SORCS1: variants seen among roughly 807,000 people sequenced by gnomAD.
SORCS1 encodes VPS10 domain-containing receptor SorCS1.
A neutral mutation model predicts 146.1 loss-of-function variants in SORCS1; 60 were observed. The ratio of observed to expected loss-of-function variants is 0.41; its 90% confidence interval spans 0.33 to 0.51. The LOEUF (loss-of-function observed/expected upper bound fraction) is 0.51. SORCS1 is among the 20% of genes least tolerant of loss of function. The pLI is 0.21. For synonymous variants in SORCS1, 637 were observed against 584.0 expected (o/e 1.09, Z -1.31); for missense variants, 1,352 against 1,487.6 (o/e 0.91, Z 1.50).
At chr10:106,682,053 G>T (rs367626134) in intron 10 of SORCS1, among the ~76,000 whole-genome samples, 12 of 152,090 alleles carry the variant, frequency 7.9e-5, no homozygotes, top group Non-Finnish European at 1.8e-4. Context: ...ACTCAAACCC[G>T]GGAGGTGGAG....
chr10:107,085,544 C>T (rs1022102596), intron 1 of SORCS1, among the ~76,000 whole-genome samples: 5 of 152,080 alleles, frequency 3.3e-5, no homozygotes, highest in Admixed American at 1.3e-4. Flanking sequence ...CAAATAACAT[C>T]CTCATTAAAG....
At chr10:106,822,655 G>A (rs1244005124) in intron 3 of SORCS1, among the ~76,000 whole-genome samples, 2 of 152,098 alleles carry the variant, frequency 1.3e-5, no homozygotes, top group Non-Finnish European at 2.9e-5. Context: ...GATCAAAGGA[G>A]AGGACCTTTC....
intron 24 of SORCS1, among the ~76,000 whole-genome samples, chr10:106,590,449 A>G (rs1352585190): frequency 6.6e-6 from 1 of 152,162 alleles, no homozygotes; most frequent in Non-Finnish European, 1.5e-5. Flanking sequence ...TAAGATGATA[A>G]ATCTAAAAAT....
At chr10:106,936,956 A>T (rs1953750965) in intron 2 of SORCS1, among the ~76,000 whole-genome samples, 1 of 152,202 alleles carries the variant, frequency 6.6e-6, no homozygotes, top group Non-Finnish European at 1.5e-5. Context: ...TTAAACTAGC[A>T]TATATGTGTC....
chr10:106,652,376 T>C lies in SORCS1; in HGVS notation c.2475+6A>G. On this transcript the variant is annotated splice_donor_region_variant and intron_variant, in intron 18 of 25. Coordinates refer to ENST00000263054, the MANE Select transcript of SORCS1 (RefSeq NM_052918.5). ...AAAGTAGGGGGGAGATAGGAATCAG[T>C]CCTACCTCTTCTAATTGCACCATGA... The C allele has an allele frequency of 6.2e-7, 1 of 1,613,428 alleles. No individual in the cohort carries two copies. The highest frequency in any genetic ancestry group is 8.5e-7 in the Non-Finnish European group (1 of 1,179,410).
intron 5 of SORCS1, among the ~76,000 whole-genome samples, chr10:106,744,242 C>T (rs1465369848): frequency 4.6e-5 from 7 of 152,130 alleles, no homozygotes; most frequent in Non-Finnish European, 8.8e-5. Context: ...GTAGCTGGGA[C>T]TACAGGCGCC....
intron 9 of SORCS1, among the ~76,000 whole-genome samples, chr10:106,692,359 G>A (rs918688647): frequency 2.6e-5 from 4 of 152,110 alleles, no homozygotes; most frequent in African/African-American, 4.8e-5. Flanking sequence ...GAGCCACAGC[G>A]CCAGCCCCTG....
intron 1 of SORCS1, among the ~76,000 whole-genome samples, chr10:107,039,332 GAA>G (rs58915918): frequency 8.2e-5 from 9 of 109,934 alleles, no homozygotes; most frequent in African/African-American, 3.0e-4. Context: ...CTCAAATAAA[GAA>G]AAAAAAAAAA....
intron 1 of SORCS1, among the ~76,000 whole-genome samples, chr10:107,123,862 G>A (rs1388132782): frequency 2.0e-5 from 3 of 151,742 alleles, no homozygotes; most frequent in East Asian, 1.9e-4. Context: ...CAGATCAGGA[G>A]GTCAGGAGAT....
At chr10:106,853,454 C>T in intron 2 of SORCS1, among the ~76,000 whole-genome samples, 1 of 148,904 alleles carries the variant, frequency 6.7e-6, no homozygotes, top group South Asian at 2.1e-4. Flanking sequence ...TATTTTCAGT[C>T]TTGTTGATTT....
chr10:106,902,289 C>T (rs540238612), intron 2 of SORCS1, among the ~76,000 whole-genome samples: 2 of 152,194 alleles, frequency 1.3e-5, no homozygotes, highest in South Asian at 2.1e-4. Context: ...ATCTTCCCCC[C>T]ATGGATTTGC....
chr10:107,051,129 T>C (rs960517432), intron 1 of SORCS1, among the ~76,000 whole-genome samples: 6 of 152,186 alleles, frequency 3.9e-5, no homozygotes, highest in Non-Finnish European at 1.5e-5. Context: ...GTCTAGAATA[T>C]TGTTCTCAAG....
intron 18 of SORCS1, among the ~76,000 whole-genome samples, chr10:106,635,703 T>C (rs1293118634): frequency 2.6e-5 from 4 of 152,208 alleles, no homozygotes; most frequent in Non-Finnish European, 5.9e-5. Flanking sequence ...ATGGGTTAAG[T>C]ACATTGGAAA....
chr10:106,614,799 T>C (rs1362153145), intron 21 of SORCS1, among the ~76,000 whole-genome samples: 2 of 152,096 alleles, frequency 1.3e-5, no homozygotes, highest in East Asian at 1.9e-4. Context: ...ATTCAAGAAA[T>C]AGGGGATGCG....
chr10:106,920,318 G>A (rs1952651986), intron 2 of SORCS1, among the ~76,000 whole-genome samples: 1 of 152,160 alleles, frequency 6.6e-6, no homozygotes, highest in South Asian at 2.1e-4. Flanking sequence ...TTCTTCGGGA[G>A]CAATCTCCCT....
rs10658432 is a variant in SORCS1 at position 106,674,328 on chromosome 10, C to CAAAAAAAAAAAAAAAAAAAAAA, written c.1940+699_1940+720dup. ...TGGGCGACAGAGTAAGACTCCGTCT[C>CAAAAAAAAAAAAAAAAAAAAAA]AAAAAAAAAAAAAAAAAAAAAAAAA... is the stretch of plus-strand genomic sequence containing the variant. On this transcript the variant is annotated intron_variant, in intron 14 of 25. Transcript: ENST00000263054. Among the ~76,000 whole-genome samples the CAAAAAAAAAAAAAAAAAAAAAA allele has an allele frequency of 2.9e-4, 8 of 27,376 alleles. 2 individuals are homozygous for CAAAAAAAAAAAAAAAAAAAAAA. Among genetic ancestry groups the CAAAAAAAAAAAAAAAAAAAAAA allele is most frequent in the East Asian group, 3.6e-3 (2 of 562 alleles). The allele number at this position is 27,376 out of a possible 152,430, so 18.0% of individuals were successfully genotyped here. A position where few individuals can be genotyped will look rare whatever the true frequency, so the allele number is the denominator to read the frequency against.
At chr10:106,947,299 A>G (rs1302324560) in intron 2 of SORCS1, among the ~76,000 whole-genome samples, 3 of 152,230 alleles carry the variant, frequency 2.0e-5, no homozygotes, top group Non-Finnish European at 4.4e-5. Context: ...CATCTTAAGA[A>G]TTCTATTGTA....
chr10:106,789,601 A>C (rs1344053219), intron 3 of SORCS1, among the ~76,000 whole-genome samples: 1 of 152,112 alleles, frequency 6.6e-6, no homozygotes, highest in African/African-American at 2.4e-5. Flanking sequence ...ATCTGAAACC[A>C]CCTCAGCCTG....
chr10:106,741,999 T>A (rs977139325), intron 5 of SORCS1, among the ~76,000 whole-genome samples: 1 of 152,180 alleles, frequency 6.6e-6, no homozygotes, highest in African/African-American at 2.4e-5. Flanking sequence ...TGCTTTATGG[T>A]TGGGTATTGG....
Sources: allele counts gnomAD v4.1 joint callset (sites outside exome capture counted in the v4.1 genomes callset), GRCh38; gene constraint gnomAD v4.1.1; transcripts MANE v1.5; gene names NCBI Gene and HGNC (gene_info 2026-07-23, HGNC 2026-07-21).